TMPRSS9: variants seen among roughly 807,000 people sequenced by gnomAD.
TMPRSS9 encodes transmembrane protease serine 9.
TMPRSS9 carries 113 observed loss-of-function variants against 111.4 expected under a neutral mutation model. That is an observed-to-expected ratio of 1.01 (90% CI 0.87 to 1.19). The LOEUF (loss-of-function observed/expected upper bound fraction) is 1.19. Among genes scored for constraint, TMPRSS9 ranks in the 50% most tolerant of loss-of-function variants. The pLI is 0.00. For missense variants in TMPRSS9, 1,803 were observed against 1,513.1 expected (o/e 1.19, Z -3.18); for synonymous variants, 805 against 659.1 (o/e 1.22, Z -3.39).
chr19:2,397,064 G>C (rs930324014), intron 2 of TMPRSS9, among the ~76,000 whole-genome samples: 4 of 151,902 alleles, frequency 2.6e-5, no homozygotes, highest in African/African-American at 9.7e-5. Flanking sequence ...GGGATTACAG[G>C]TGCACGCCAC....
At chr19:2,405,188 C>A (rs1331670340) in intron 6 of TMPRSS9, among the ~76,000 whole-genome samples, 186 bp from the exon 8 acceptor site, 1 of 151,996 alleles carries the variant, frequency 6.6e-6, no homozygotes, top group Non-Finnish European at 1.5e-5. Flanking sequence ...CAGGATGGGG[C>A]AGCCGAGGAG....
chr19:2,370,085 G>T (rs745661282), intron 1 of TMPRSS9, among the ~76,000 whole-genome samples: 1 of 152,048 alleles, frequency 6.6e-6, no homozygotes, highest in African/African-American at 2.4e-5. Context: ...GCGGGCACCA[G>T]TGTAATCCCA....
chr19:2,403,194 C>T (rs757239911), exon 6 of TMPRSS9: 37 of 1,602,914 alleles, frequency 2.3e-5, no homozygotes, highest in Middle Eastern at 1.7e-4. Flanking sequence ...AGGCGCACTG[C>T]GGTCAGTCTG....
At chr19:2,383,244 C>T (rs1970407302) in intron 1 of TMPRSS9, among the ~76,000 whole-genome samples, 2 of 151,886 alleles carry the variant, frequency 1.3e-5, no homozygotes, top group Non-Finnish European at 2.9e-5. Context: ...ATCCCAGCTA[C>T]TTGGGAAGCT....
rs745740773 is a variant in TMPRSS9 at position 2,399,095 on chromosome 19, T to A, written c.416T>A (p.Leu139Gln). The A allele has an allele frequency of 1.9e-6, 3 of 1,613,510 alleles. No individual in the cohort carries two copies. In the East Asian group the frequency reaches 6.7e-5, roughly 36 times the overall value. Residue 139 changes from leucine to glutamine, a missense_variant, in exon 4 of 18, where the codon CTG becomes CAG. Coordinates refer to ENST00000648592, the Ensembl canonical transcript of TMPRSS9. Reference sequence around the variant, plus strand: ...CCCCTCCAGACGCTGAGCCTGGGCCTGGAGGAGGAGCTATTGCAGCGAGGG... The same window carrying A: ...CCCCTCCAGACGCTGAGCCTGGGCCAGGAGGAGGAGCTATTGCAGCGAGGG...
At chr19:2,419,351 C>T in intron 13 of TMPRSS9, among the ~76,000 whole-genome samples, 1 of 145,778 alleles carries the variant, frequency 6.9e-6, no homozygotes. Flanking sequence ...TTATAGGCGC[C>T]CGCCACCATG....
At chr19:2,396,444 T>C (rs898898228) in intron 1 of TMPRSS9, 95 bp from the exon 3 acceptor site, 2 of 1,415,984 alleles carry the variant, frequency 1.4e-6, no homozygotes, top group Admixed American at 2.4e-5. Context: ...CACCAGGGTG[T>C]GTGAGTGCAA....
chr19:2,424,861 G>C (rs1371481084), intron 15 of TMPRSS9, 141 bp from the exon 17 acceptor site: 4 of 1,093,426 alleles, frequency 3.7e-6, no homozygotes, highest in Non-Finnish European at 3.6e-6. Flanking sequence ...GGGAGACTGA[G>C]CCCATTCCCA....
exon 17 of TMPRSS9, chr19:2,425,451 G>T (rs1568195612): frequency 1.3e-6 from 2 of 1,592,294 alleles, no homozygotes; most frequent in East Asian, 2.3e-5. Context: ...GCAGCCGCAT[G>T]CTGTGTGCCG....
upstream of TMPRSS9, chr19:2,389,714 C>G: frequency 6.5e-7 from 1 of 1,528,752 alleles, no homozygotes; most frequent in East Asian, 2.4e-5. Flanking sequence ...AAGAGAAGCA[C>G]CTTCAGCCTC....
At chr19:2,425,258 C>T in exon 16 of TMPRSS9, 7 of 1,363,960 alleles carry the variant, frequency 5.1e-6, no homozygotes, top group Non-Finnish European at 6.6e-6. Flanking sequence ...GGGCTCGGTG[C>T]GCGAAGGAGG....
chr19:2,390,468 C>A (rs984911718), intron 1 of TMPRSS9, among the ~76,000 whole-genome samples: 7 of 148,844 alleles, frequency 4.7e-5, no homozygotes, highest in East Asian at 2.0e-4. Context: ...TGGTCTCGAT[C>A]TCCTGACCTC....
At chr19:2,389,848 G>A in exon 1 of TMPRSS9, 16 of 1,614,046 alleles carry the variant, frequency 9.9e-6, no homozygotes, top group Non-Finnish European at 1.4e-5. Context: ...TCCCCGCTCT[G>A]GATGCCGCGT....
intron 17 of TMPRSS9, 92 bp from the exon 19 acceptor site, chr19:2,425,835 T>G: frequency 6.9e-7 from 1 of 1,453,336 alleles, no homozygotes; most frequent in East Asian, 2.5e-5. Context: ...CCAGGGGAAG[T>G]CACTAGGGTC....
chr19:2,405,243 C>T (rs1970944370), intron 6 of TMPRSS9, 131 bp from the exon 8 acceptor site: 1 of 1,243,818 alleles, frequency 8.0e-7, no homozygotes, highest in Non-Finnish European at 1.1e-6. Flanking sequence ...TCAGGGAAGC[C>T]AAGGAGGGGC....
chr19:2,375,612 G>A (rs1354081946), intron 1 of TMPRSS9, among the ~76,000 whole-genome samples: 14 of 152,144 alleles, frequency 9.2e-5, no homozygotes, highest in Admixed American at 9.2e-4. Flanking sequence ...GGCTGGAGAT[G>A]GAAGGGTGGA....
At chr19:2,410,269 G>C in exon 9 of TMPRSS9, 2 of 1,613,990 alleles carry the variant, frequency 1.2e-6, no homozygotes, top group Non-Finnish European at 1.7e-6. Flanking sequence ...GGTCAAGCCA[G>C]AGGTGCTGCA....
chr19:2,371,321 G>A (rs956973920), intron 1 of TMPRSS9, among the ~76,000 whole-genome samples: 2 of 152,138 alleles, frequency 1.3e-5, no homozygotes, highest in Non-Finnish European at 2.9e-5. Context: ...GCCCCCACAC[G>A]GCTCCAGATG....
chr19:2,408,643 C>G lies in TMPRSS9; in HGVS notation c.1117+13C>G. On this transcript the variant is annotated intron_variant, in intron 8 of 17. Coordinates refer to ENST00000648592, the Ensembl canonical transcript of TMPRSS9. ...AAGGAGGACTTCCGTAAGCATCTTC[C>G]TCGGCCTGCAAGTGAGCTCAGGCAG... 3 of 1,603,940 alleles carry G rather than the reference C, an allele frequency of 1.9e-6. No homozygotes were observed. Among genetic ancestry groups the G allele is most frequent in the Non-Finnish European group, 1.7e-6 (2 of 1,173,152 alleles).
Sources: allele counts gnomAD v4.1 joint callset (sites outside exome capture counted in the v4.1 genomes callset), GRCh38; gene constraint gnomAD v4.1.1; transcripts MANE v1.5; gene names NCBI Gene and HGNC (gene_info 2026-07-23, HGNC 2026-07-21).